Variants in CACNA1A observed in about 807,000 individuals in gnomAD.
CACNA1A encodes voltage-dependent P/Q-type calcium channel subunit alpha-1A.
Under a neutral mutation model 262.4 loss-of-function variants are expected in CACNA1A, and 57 were observed. The ratio of observed to expected loss-of-function variants is 0.22; its 90% confidence interval spans 0.18 to 0.27. The LOEUF is 0.27. Among genes scored for constraint, CACNA1A ranks in the 10% least tolerant of loss-of-function variants. CACNA1A has a pLI of 1.00. For missense variants in CACNA1A, 2,526 were observed against 3,562.8 expected (o/e 0.71, Z 7.41); for synonymous variants, 1,431 against 1,419.3 (o/e 1.01, Z -0.18).
intron 1 of CACNA1A, among the ~76,000 whole-genome samples, chr19:13,488,034 C>T (rs552346875): frequency 4.0e-4 from 61 of 152,198 alleles, no homozygotes; most frequent in African/African-American, 1.3e-3. Flanking sequence ...CCCATTTCAG[C>T]GTCCCAAAGT....
rs117797676 is a variant in CACNA1A at position 13,291,021 on chromosome 19, C to T, written c.3090-4055G>A. ...TTTTAACAAGCTCAGCCTGCAGAGG[C>T]CTAATATCAATTTCCGGGAGGTTTC... On this transcript the variant is annotated intron_variant, in intron 19 of 46. Transcript: ENST00000360228. Among the ~76,000 whole-genome samples the T allele has an allele frequency of 1.3e-3, 194 of 152,190 alleles. 2 individuals carry two copies. The East Asian group carries it at 0.03, about 23-fold the overall frequency.
chr19:13,267,172 G>C (rs550562465), intron 24 of CACNA1A, among the ~76,000 whole-genome samples: 33 of 152,314 alleles, frequency 2.2e-4, no homozygotes, highest in Non-Finnish European at 4.3e-4. Context: ...GAAAGATAGA[G>C]AGAGACTTTA....
At position 13,348,101 on chromosome 19, in the gene CACNA1A, T is replaced by C. The variant is rs2419548; in HGVS notation, c.978+11505A>G. On this transcript the variant is annotated intron_variant, in intron 6 of 46. Coordinates refer to ENST00000360228, the MANE Select transcript of CACNA1A (RefSeq NM_001127222.2). ...ATGCCCAGCTAATTAATTATTTTTC[T>C]TTTTTAAAGATGGGGTCTTGCTTTT... Among the ~76,000 whole-genome samples, 1,256 of 152,126 alleles carry C rather than the reference T, an allele frequency of 8.3e-3. 16 individuals are homozygous for C. Among genetic ancestry groups the C allele is most frequent in the African/African-American group, 0.026 (1,076 of 41,492 alleles).
At chr19:13,477,763 C>T (rs767611481) in intron 1 of CACNA1A, among the ~76,000 whole-genome samples, 51 of 152,194 alleles carry the variant, frequency 3.4e-4, no homozygotes, top group Non-Finnish European at 6.3e-4. Flanking sequence ...CTGACAGTGG[C>T]CTCTGAGTAA....
intron 3 of CACNA1A, among the ~76,000 whole-genome samples, chr19:13,436,855 G>C (rs1417402359): frequency 6.6e-6 from 1 of 152,238 alleles, no homozygotes; most frequent in Non-Finnish European, 1.5e-5. Context: ...CAGTAAACAT[G>C]TACTTCCTTG....
intron 3 of CACNA1A, among the ~76,000 whole-genome samples, chr19:13,392,552 A>T (rs11671627): frequency 0.24 from 37,153 of 152,166 alleles, 5,246 homozygotes; most frequent in Non-Finnish European, 0.32. Context: ...TTCAGTGGGA[A>T]CCTGCTACAG....
chr19:13,402,789 C>CAT (rs1568610572), intron 3 of CACNA1A, among the ~76,000 whole-genome samples: 4 of 115,300 alleles, frequency 3.5e-5, no homozygotes, highest in African/African-American at 8.1e-5. Flanking sequence ...CATATATATA[C>CAT]ATATATACAC....
At position 13,467,069 on chromosome 19, in the gene CACNA1A, G is replaced by A. The variant is rs1188408936; in HGVS notation, c.294-11857C>T. On this transcript the variant is annotated intron_variant, in intron 1 of 46. Coordinates refer to ENST00000360228, the MANE Select transcript of CACNA1A (RefSeq NM_001127222.2). The stretch of plus-strand genomic sequence containing the variant: ...GTTAATGTTTTAATAAAAGCTGGAG[G>A]AGGCAAGGGAATGAGCCCTGTTTCT... Among the ~76,000 whole-genome samples, 3 of 152,126 alleles carry A rather than the reference G, an allele frequency of 2.0e-5. No individual in the cohort carries two copies. In the East Asian group the frequency reaches 5.8e-4, roughly 29 times the overall value.
chr19:13,368,336 G>A (rs1223530545), intron 4 of CACNA1A, among the ~76,000 whole-genome samples: 1 of 148,940 alleles, frequency 6.7e-6, no homozygotes, highest in African/African-American at 2.5e-5. Flanking sequence ...GCCTATCATT[G>A]GCTTTTTTTT....
chr19:13,360,247 G>T (rs868092256), intron 5 of CACNA1A, among the ~76,000 whole-genome samples: 2 of 80,356 alleles, frequency 2.5e-5, no homozygotes, highest in Non-Finnish European at 4.5e-5. Context: ...CTTATTAGGT[G>T]TCTGTGTGTG....
At chr19:13,377,110 C>T (rs1176630694) in intron 3 of CACNA1A, among the ~76,000 whole-genome samples, 1 of 151,906 alleles carries the variant, frequency 6.6e-6, no homozygotes, top group East Asian at 1.9e-4. Flanking sequence ...CAGGCACCTG[C>T]TACCATGCCT....
intron 3 of CACNA1A, among the ~76,000 whole-genome samples, chr19:13,409,970 A>G (rs552334783): frequency 7.9e-5 from 12 of 152,186 alleles, no homozygotes; most frequent in Non-Finnish European, 1.6e-4. Flanking sequence ...AAACATTAGA[A>G]GAGAATTTCC....
chr19:13,334,560 T>TA, intron 7 of CACNA1A, 67 bp from the exon 8 acceptor site: 1 of 147,526 alleles, frequency 6.8e-6, no homozygotes, highest in African/African-American at 6.7e-5. Flanking sequence ...TGTGTGTGTG[T>TA]TTGTGTGTGT....
chr19:13,207,768 T>C lies in CACNA1A; in HGVS notation c.7066A>G (p.Thr2356Ala). ...GAGCGGCCGCTGCTGTGGCCCCCCG[T>C]GGGCGGCCGATCTCCGGCCAGAGGC... ...AEPLAGDRPP[T>A]GGHSSGRSPR... The change falls in exon 47 of 47, where the codon ACG (threonine) becomes GCG (alanine). Residue 2356 changes from threonine to alanine, a missense_variant. Thr to Ala is a moderately conservative substitution (Grantham distance 58). Around this residue, in one of 17 missense-constraint regions of CACNA1A, gnomAD observed 929 missense variants for 868.1 expected, o/e 1.07. Coordinates refer to ENST00000360228, the MANE Select transcript of CACNA1A (RefSeq NM_001127222.2). The surrounding 1 kb of genome is among the most constrained non-coding windows in gnomAD (Gnocchi z 5.7). The C allele has an allele frequency of 7.3e-7, 1 of 1,378,584 alleles. No homozygotes were observed. Among genetic ancestry groups the C allele is most frequent in the Non-Finnish European group, 9.3e-7 (1 of 1,074,464 alleles). The allele number at this position is 1,378,584 out of a possible 1,614,324, so 85.4% of individuals were successfully genotyped here.
intron 37 of CACNA1A, 79 bp from the exon 38 acceptor site, chr19:13,224,851 C>T: frequency 1.1e-6 from 1 of 936,514 alleles, no homozygotes; most frequent in Non-Finnish European, 1.7e-6. Context: ...CGCCCCTACC[C>T]AGGGAGTCCC....
At position 13,371,684 on chromosome 19, in the gene CACNA1A, G is replaced by T. The variant is rs1568581241; in HGVS notation, c.631+4C>A. On this transcript the variant is annotated splice_donor_region_variant and intron_variant, in intron 4 of 46. Transcript: ENST00000360228. ...CCCCTTGTCAGGGTCGGAAACTCAC[G>T]CACTTGGGATTCCAGACACCAGCTT... 2 of 1,565,888 alleles carry T rather than the reference G, an allele frequency of 1.3e-6. No individual in the cohort carries two copies. Among genetic ancestry groups the T allele is most frequent in the Admixed American group, 1.9e-5 (1 of 52,868 alleles).
At chr19:13,227,318 C>T (rs982598949) in intron 37 of CACNA1A, 113 bp downstream of exon 37, 3 of 503,734 alleles carry the variant, frequency 6.0e-6, no homozygotes, top group African/African-American at 2.0e-5. Context: ...AGAAGAGAAA[C>T]GTTGGAAAAA....
intron 44 of CACNA1A, among the ~76,000 whole-genome samples, chr19:13,209,906 C>T (rs571589559): frequency 1.3e-5 from 2 of 152,340 alleles, no homozygotes; most frequent in Admixed American, 6.5e-5. Flanking sequence ...ATCCCTGCCC[C>T]AGCTTGCTCT....
In CACNA1A at chr19:13,331,433, C is replaced by T. The variant is rs565115390; in HGVS notation, c.1256-1100G>A. On this transcript the variant is annotated intron_variant, in intron 9 of 46. Coordinates refer to ENST00000360228, the MANE Select transcript of CACNA1A (RefSeq NM_001127222.2). ...TGTATTTTTAGTAGAGATGGGGTTT[C>T]GCCATGATGGCCAGGCCGGTCTTGA... 3.3e-5 allele frequency among the ~76,000 whole-genome samples: 5 copies of T among 151,950 alleles called. No individual in the cohort carries two copies. In the South Asian group the frequency reaches 8.3e-4, roughly 25 times the overall value.
Sources: gnomAD v4.1 joint callset for allele counts (sites outside exome capture counted in the v4.1 genomes callset) on GRCh38, gnomAD v4.1.1 for gene constraint, gnomAD v4.1.1 regional missense constraint, Gnocchi (gnomAD v3.1) non-coding constraint, MANE v1.5 for transcripts, NCBI Gene and HGNC (gene_info 2026-07-23, HGNC 2026-07-21) for gene names.